FAM13B: variants seen among roughly 807,000 people sequenced by gnomAD.
FAM13B encodes the protein protein FAM13B.
FAM13B carries 60 observed loss-of-function variants against 117.3 expected under a neutral mutation model. The ratio of observed to expected loss-of-function variants is 0.51; its 90% CI spans 0.42 to 0.63. The LOEUF (loss-of-function observed/expected upper bound fraction) is 0.63, where lower values mean the gene tolerates loss of function less well. FAM13B is among the 30% of genes least tolerant of loss of function. The pLI is 0.00. For synonymous variants in FAM13B, 332 were observed against 356.1 expected, an observed-to-expected ratio of 0.93 and a Z score of 0.76; for missense variants, 972 against 1,091.9, an observed-to-expected ratio of 0.89 and a Z score of 1.55.
chr5:138,018,539 CAATA>C, intron 3 of FAM13B, 25 bp from the exon 4 acceptor site: 2 of 1,569,176 alleles, frequency 1.3e-6, no homozygotes, highest in Non-Finnish European at 1.8e-6. Context: ...GGCAATCATT[CAATA>C]AGCTGCAATG....
At chr5:138,038,942 A>G (rs982426136) in intron 1 of FAM13B, among the ~76,000 whole-genome samples, 9 of 152,226 alleles carry the variant, frequency 5.9e-5, no homozygotes, top group African/African-American at 1.7e-4. Flanking sequence ...AACCAAAGTT[A>G]ACATAATGTG....
chr5:138,015,217 A>T (rs867646550), intron 4 of FAM13B, among the ~76,000 whole-genome samples: 14 of 152,212 alleles, frequency 9.2e-5, no homozygotes, highest in African/African-American at 2.9e-4. Context: ...CAAAATCAAC[A>T]GTACCAAGGC....
chr5:137,947,809 T>G (rs1456393815), intron 18 of FAM13B, among the ~76,000 whole-genome samples: 1 of 152,100 alleles, frequency 6.6e-6, no homozygotes, highest in Non-Finnish European at 1.5e-5. Context: ...GGTCTCGAAC[T>G]CCTGACCTCA....
chr5:138,041,881 A>AGAC (rs1791511347), intron 1 of FAM13B, among the ~76,000 whole-genome samples: 1 of 151,952 alleles, frequency 6.6e-6, no homozygotes, highest in Non-Finnish European at 1.5e-5. Context: ...TGGCAGAGCA[A>AGAC]GACCCTGTCT....
chr5:137,994,968 A>C (rs149666993), intron 7 of FAM13B, among the ~76,000 whole-genome samples: 151 of 152,368 alleles, frequency 9.9e-4, no homozygotes, highest in African/African-American at 3.5e-3. Context: ...ATTTCAATAA[A>C]AGTATTGCAG....
In FAM13B at chr5:137,981,017, T is replaced by A. The variant is rs188331366; in HGVS notation, c.1179+4240A>T. 1.2e-3 allele frequency among the ~76,000 whole-genome samples: 184 copies of A among 150,150 alleles called. 4 individuals carry two copies. Among genetic ancestry groups the A allele is most frequent in the Middle Eastern group, 0.01 (3 of 286 alleles). Reference sequence around the variant, plus strand: ...AGCCTTACCTCCTGGGCTCAGGTGATCTTCCCACCTCAGCCTCCCAAGTAG... The same window carrying A: ...AGCCTTACCTCCTGGGCTCAGGTGAACTTCCCACCTCAGCCTCCCAAGTAG... On this transcript the variant is annotated intron_variant, in intron 10 of 23. Transcript: ENST00000689681.
chr5:137,968,270 C>A, intron 10 of FAM13B, among the ~76,000 whole-genome samples: 1 of 145,084 alleles, frequency 6.9e-6, no homozygotes, highest in African/African-American at 2.6e-5. Context: ...TAAGTTTCCA[C>A]TAAAAAAAAA....
chr5:138,040,688 A>C (rs1791473735), intron 1 of FAM13B, among the ~76,000 whole-genome samples: 1 of 152,232 alleles, frequency 6.6e-6, no homozygotes, highest in Non-Finnish European at 1.5e-5. Context: ...GGAAGACCAA[A>C]ACTTGCCATG....
rs762268124 is a variant in FAM13B, at chr5:137,954,186, A to G, written c.1698T>C (p.Ser566=). ...TATACCTAGTAAAAGACAGTGCTTT[A>G]GATGAGGAATCCAACTTTTCTGGAT... ...LHDPEKLDSS[S]KALSFTRIRR... Residue 566 remains serine (S), a synonymous_variant, in exon 15 of 24, where the codon TCT becomes TCC. Coordinates refer to ENST00000689681, the MANE Select transcript of FAM13B (RefSeq NM_001385994.1). 11 of 1,613,740 alleles carry G rather than the reference A, an allele frequency of 6.8e-6. No homozygotes were observed. The East Asian group carries it at 1.8e-4, about 26-fold the overall frequency.
intron 1 of FAM13B, among the ~76,000 whole-genome samples, chr5:138,044,083 T>C (rs1791575855): frequency 6.6e-6 from 1 of 151,588 alleles, no homozygotes; most frequent in South Asian, 2.1e-4. Flanking sequence ...CACACCTAGC[T>C]TTTTTTATGT....
At chr5:137,966,918 T>C (rs924517984) in intron 10 of FAM13B, among the ~76,000 whole-genome samples, 3 of 152,202 alleles carry the variant, frequency 2.0e-5, no homozygotes, top group Non-Finnish European at 2.9e-5. Context: ...TGTTGGGATA[T>C]CTAGGTAAAC....
chr5:138,002,661 TCTA>T (rs1781552573), intron 7 of FAM13B, among the ~76,000 whole-genome samples: 1 of 113,988 alleles, frequency 8.8e-6, no homozygotes, highest in Non-Finnish European at 1.7e-5. Flanking sequence ...ATCTGTTCCC[TCTA>T]TTTTTTTTTT....
chr5:138,032,971 A>G lies in FAM13B; in HGVS notation c.-392T>C, dbSNP rs1790565418. On this transcript the variant is annotated 5_prime_UTR_variant, in exon 1 of 24. Transcript: ENST00000689681. ...CAGCCCGGTAAGCGACCCCCCGGAT[A>G]CCCCCGGCGGTGGTGGCGACGCAGA... 4 of 986,100 alleles carry G rather than the reference A, an allele frequency of 4.1e-6. No homozygotes were observed. The highest frequency in any genetic ancestry group is 4.8e-6 in the Non-Finnish European group (4 of 830,600). 61.1% of individuals were successfully genotyped at this position (986,100 alleles called of 1,614,324 possible).
At chr5:138,009,514 A>G (rs1783418270) in intron 6 of FAM13B, among the ~76,000 whole-genome samples, 1 of 151,990 alleles carries the variant, frequency 6.6e-6, no homozygotes, top group Admixed American at 6.6e-5. Context: ...TTTCAGAAGT[A>G]TAAAAGGGGA....
rs113507379 is a variant in FAM13B at position 137,967,729 on chromosome 5, T to TA, written c.1180-5261dup. 1.1e-4 allele frequency among the ~76,000 whole-genome samples: 17 copies of TA among 151,784 alleles called. 1 individual carries two copies. Among genetic ancestry groups the TA allele is most frequent in the African/African-American group, 3.4e-4 (14 of 41,384 alleles). The stretch of plus-strand genomic sequence containing the variant: ...GCAACAAAGTGAGACTCCTTCTCTG[T>TA]AAAAAAATTAAAAATTAGCCAGGTG... On this transcript the variant is annotated intron_variant, in intron 10 of 23. Coordinates refer to ENST00000689681, the MANE Select transcript of FAM13B (RefSeq NM_001385994.1).
chr5:137,980,353 A>G (rs1012495407), intron 10 of FAM13B, among the ~76,000 whole-genome samples: 2 of 152,120 alleles, frequency 1.3e-5, no homozygotes, highest in African/African-American at 4.8e-5. Flanking sequence ...CAAGGCCAAG[A>G]ACCCATCATT....
intron 4 of FAM13B, among the ~76,000 whole-genome samples, chr5:138,015,995 A>G (rs531569778): frequency 1.3e-5 from 2 of 152,264 alleles, no homozygotes; most frequent in East Asian, 3.8e-4. Context: ...ATTGACCATA[A>G]GCATTTTTGC....
upstream of FAM13B, among the ~76,000 whole-genome samples, chr5:138,034,630 T>G (rs571217050): frequency 8.5e-5 from 13 of 152,354 alleles, no homozygotes; most frequent in South Asian, 2.5e-3. Context: ...CAGAGCCTAT[T>G]TAAACTTGAG....
At chr5:137,944,447 G>A (rs1158743525) in intron 20 of FAM13B, among the ~76,000 whole-genome samples, 4 of 151,984 alleles carry the variant, frequency 2.6e-5, no homozygotes, top group Non-Finnish European at 4.4e-5. Flanking sequence ...GTACATATAC[G>A]CCATGAAATA....
Sources: gnomAD v4.1 joint callset for allele counts (sites outside exome capture counted in the v4.1 genomes callset) on GRCh38, gnomAD v4.1.1 for gene constraint, MANE v1.5 for transcripts, NCBI Gene and HGNC (gene_info 2026-07-23, HGNC 2026-07-21) for gene names.